Variants in KAT2B observed in about 807,000 individuals in gnomAD.
KAT2B encodes lysine acetyltransferase 2B.
A neutral mutation model predicts 105.9 loss-of-function variants in KAT2B; 36 were observed. The observed-to-expected ratio is 0.34, with a 90% confidence interval of 0.26 to 0.45. KAT2B has a LOEUF of 0.45. Ranked by LOEUF, KAT2B falls within the 20% of genes least tolerant of loss-of-function variation. KAT2B has a pLI of 1.00. For synonymous variants in KAT2B, 397 were observed against 377.9 expected (o/e 1.05, Z -0.59); for missense variants, 820 against 1,021.6 (o/e 0.80, Z 2.69).
chr3:20,052,862 GCTATT>G (rs1697939122), intron 1 of KAT2B, among the ~76,000 whole-genome samples: 1 of 152,164 alleles, frequency 6.6e-6, no homozygotes. Context: ...TGTAATCCCA[GCTATT>G]CGGGAGGCTG....
At chr3:20,072,245 A>G (rs902709872) in intron 1 of KAT2B, 88 bp from the exon 2 acceptor site, 1 of 1,351,002 alleles carries the variant, frequency 7.4e-7, no homozygotes, top group Non-Finnish European at 1.1e-6. Context: ...TAGCTGTCAT[A>G]TAATTAGTGT....
At chr3:20,042,925 G>C (rs1193291134) in intron 1 of KAT2B, among the ~76,000 whole-genome samples, 1 of 151,062 alleles carries the variant, frequency 6.6e-6, no homozygotes, top group Non-Finnish European at 1.5e-5. Flanking sequence ...TTTGAGACAG[G>C]GTCTCACTCT....
In KAT2B at chr3:20,148,465, T is replaced by C; in HGVS notation, c.2283T>C (p.Tyr761=). Reference sequence around the variant, plus strand: ...AGAGAACAGAAGCTCCAGGATATTATGAAGTTATAAGGTTCCCCATGGGTA... The same window carrying C: ...AGAGAACAGAAGCTCCAGGATATTACGAAGTTATAAGGTTCCCCATGGGTA... ...PVKRTEAPGY[Y]EVIRFPMDLK... Residue 761 remains tyrosine, a synonymous_variant, in exon 17 of 18, where the codon TAT becomes TAC. Coordinates refer to ENST00000263754, the MANE Select transcript of KAT2B (RefSeq NM_003884.5). 2 of 1,605,760 alleles carry C rather than the reference T, an allele frequency of 1.2e-6. No individual in the cohort carries two copies. The highest frequency in any genetic ancestry group is 1.3e-5 in the African/African-American group (1 of 74,244).
At chr3:20,098,860 G>T (rs768988027) in intron 3 of KAT2B, among the ~76,000 whole-genome samples, 2 of 152,086 alleles carry the variant, frequency 1.3e-5, no homozygotes, top group Non-Finnish European at 2.9e-5. Context: ...TGAGGTCCTT[G>T]TAAGACACAG....
chr3:20,103,038 A>G (rs1559314505), intron 5 of KAT2B, among the ~76,000 whole-genome samples: 1 of 152,232 alleles, frequency 6.6e-6, no homozygotes. Context: ...ATGCAATTTC[A>G]GTTATAAAGT....
intron 2 of KAT2B, among the ~76,000 whole-genome samples, chr3:20,091,954 T>A (rs1698726375): frequency 6.6e-6 from 1 of 152,196 alleles, no homozygotes; most frequent in African/African-American, 2.4e-5. Context: ...GATTTCAGTC[T>A]TTTAAAAGTT....
intron 6 of KAT2B, among the ~76,000 whole-genome samples, chr3:20,114,082 T>G (rs901895646): frequency 2.4e-4 from 36 of 152,162 alleles, no homozygotes; most frequent in Non-Finnish European, 5.9e-5. Context: ...TTTTCTCTTT[T>G]TTTCTCTTTT....
intron 11 of KAT2B, 80 bp downstream of exon 11, chr3:20,127,629 C>G: frequency 7.4e-7 from 1 of 1,348,494 alleles, no homozygotes; most frequent in Non-Finnish European, 1.0e-6. Context: ...GGGAAGATCT[C>G]TCTGTGCCAT....
chr3:20,138,930 G>A (rs1330741703), intron 12 of KAT2B, among the ~76,000 whole-genome samples: 1 of 152,106 alleles, frequency 6.6e-6, no homozygotes, highest in Non-Finnish European at 1.5e-5. Flanking sequence ...GTCTTACACT[G>A]TCACCAAGGC....
chr3:20,139,976 T>G (rs1258789559), intron 12 of KAT2B, among the ~76,000 whole-genome samples: 1 of 152,250 alleles, frequency 6.6e-6, no homozygotes, highest in Non-Finnish European at 1.5e-5. Context: ...GTTTTAAACT[T>G]TTTAATATTT....
chr3:20,110,360 C>G (rs1243809670), intron 5 of KAT2B, among the ~76,000 whole-genome samples: 1 of 151,722 alleles, frequency 6.6e-6, no homozygotes, highest in Non-Finnish European at 1.5e-5. Context: ...CACATCTTCA[C>G]TTCTGGGAGA....
At chr3:20,148,064 A>G in intron 15 of KAT2B, 65 bp downstream of exon 15, 1 of 1,539,864 alleles carries the variant, frequency 6.5e-7, no homozygotes, top group Non-Finnish European at 9.0e-7. Flanking sequence ...CAAGCAACTT[A>G]AAGAAAAACG....
intron 1 of KAT2B, among the ~76,000 whole-genome samples, chr3:20,047,072 T>G (rs1347535342): frequency 6.8e-6 from 1 of 147,076 alleles, no homozygotes; most frequent in East Asian, 2.6e-4. Context: ...GTTTTTGTTT[T>G]GCCCCCCCCT....
chr3:20,058,645 G>A (rs1472943100), intron 1 of KAT2B, among the ~76,000 whole-genome samples: 1 of 151,862 alleles, frequency 6.6e-6, no homozygotes, highest in Non-Finnish European at 1.5e-5. Flanking sequence ...AGTTCCCATA[G>A]TTTAAAAATC....
intron 1 of KAT2B, among the ~76,000 whole-genome samples, chr3:20,052,098 T>G (rs1697925241): frequency 1.3e-5 from 2 of 152,234 alleles, no homozygotes; most frequent in Admixed American, 6.5e-5. Context: ...CTTTGCACAC[T>G]TTTCTCTGCC....
intron 9 of KAT2B, 53 bp from the exon 10 acceptor site, chr3:20,125,852 A>T: frequency 7.0e-7 from 1 of 1,432,642 alleles, no homozygotes; most frequent in Non-Finnish European, 9.8e-7. Context: ...TCCCATCCCC[A>T]CTGTCTTGAG....
intron 1 of KAT2B, among the ~76,000 whole-genome samples, chr3:20,062,805 T>G (rs1698161050): frequency 6.6e-6 from 1 of 152,094 alleles, no homozygotes; most frequent in Non-Finnish European, 1.5e-5. Context: ...TTTCATGTGT[T>G]TATTGACCAT....
At position 20,089,562 on chromosome 3, in the gene KAT2B, G is replaced by A. The variant is rs142176899; in HGVS notation, c.431-5701G>A. On this transcript the variant is annotated intron_variant, in intron 2 of 17. Transcript: ENST00000263754. The stretch of plus-strand genomic sequence containing the variant: ...ATTACAGGCGTGCGCCACCATGCCC[G>A]GCTAATTTTTTTTATCTTTAGTGGA... 4.2e-3 allele frequency among the ~76,000 whole-genome samples: 633 copies of A among 151,896 alleles called. 3 individuals are homozygous for A. The highest frequency in any genetic ancestry group is 0.014 in the African/African-American group (580 of 41,424).
At chr3:20,061,984 CAT>C (rs199733016) in intron 1 of KAT2B, among the ~76,000 whole-genome samples, 14,221 of 42,344 alleles carry the variant, frequency 0.34, 2,101 homozygotes, top group Non-Finnish European at 0.45. Context: ...ATATATAAAA[CAT>C]ATAATATATA....
Sources: gnomAD v4.1 joint callset for allele counts (sites outside exome capture counted in the v4.1 genomes callset) on GRCh38, gnomAD v4.1.1 for gene constraint, MANE v1.5 for transcripts, NCBI Gene and HGNC (gene_info 2026-07-23, HGNC 2026-07-21) for gene names.